ZNF562: variants seen among roughly 807,000 people sequenced by gnomAD.
ZNF562 encodes zinc finger protein 562.
ZNF562 carries 13 observed loss-of-function variants against 17.5 expected under a neutral mutation model. That is an observed-to-expected ratio of 0.74 (90% CI 0.48 to 1.18). ZNF562 has a LOEUF of 1.18. Among genes scored for constraint, ZNF562 ranks in the 50% most tolerant of loss-of-function variants. The pLI is 0.00. For synonymous variants in ZNF562, 163 were observed against 165.4 expected, an observed-to-expected ratio of 0.99 and a Z score of 0.11; for missense variants, 481 against 498.5, an observed-to-expected ratio of 0.96 and a Z score of 0.33.
At chr19:9,669,734 G>GCGCGCGCACACA (rs1221319747) in intron 1 of ZNF562, among the ~76,000 whole-genome samples, 1 of 109,302 alleles carries the variant, frequency 9.1e-6, no homozygotes, top group Non-Finnish European at 1.9e-5. Flanking sequence ...GCGCGCGCGC[G>GCGCGCGCACACA]CACACACACA....
chr19:9,663,010 G>T (rs2043814320), intron 1 of ZNF562, among the ~76,000 whole-genome samples: 2 of 151,644 alleles, frequency 1.3e-5, no homozygotes, highest in African/African-American at 4.8e-5. Flanking sequence ...GCCAGCTATT[G>T]TTCTAAATGT....
chr19:9,669,828 A>G (rs2145045526), intron 1 of ZNF562, among the ~76,000 whole-genome samples: 1 of 151,012 alleles, frequency 6.6e-6, no homozygotes, highest in African/African-American at 2.4e-5. Context: ...TTAGGAGGCC[A>G]AGGCAGGCAG....
chr19:9,669,721 C>CGCGCGA (rs2044086899), intron 1 of ZNF562, among the ~76,000 whole-genome samples: 1 of 86,050 alleles, frequency 1.2e-5, no homozygotes, highest in East Asian at 3.6e-4. Context: ...CGCGCGAGCG[C>CGCGCGA]GCGCGCGCGC....
intron 3 of ZNF562, among the ~76,000 whole-genome samples, chr19:9,658,591 C>T (rs1277350396): frequency 1.3e-5 from 2 of 151,946 alleles, no homozygotes; most frequent in Admixed American, 6.6e-5. Flanking sequence ...CTCATGTGAT[C>T]GGCCCACCTC....
At position 9,646,108 on chromosome 19, in the gene ZNF562, G is replaced by A. The variant is rs1335598542; in HGVS notation, c.*6841C>T. The A allele has an allele frequency of 8.3e-6, 1 of 120,842 alleles. No homozygotes were observed. Among genetic ancestry groups the A allele is most frequent in the South Asian group, 2.5e-4 (1 of 3,954 alleles). The allele number at this position is 120,842 out of a possible 1,614,324, so 7.5% of individuals were successfully genotyped here. On this transcript the variant is annotated 3_prime_UTR_variant, in exon 6 of 6. Coordinates refer to ENST00000453372, the MANE Select transcript of ZNF562 (RefSeq NM_001130031.2). Reference sequence around the variant, plus strand: ...TTTTTTGTGACAGAGTTTCACTCTTGTTGCCCAGGCTGCAGTGCAATGGCG... The same window carrying A: ...TTTTTTGTGACAGAGTTTCACTCTTATTGCCCAGGCTGCAGTGCAATGGCG...
intron 1 of ZNF562, among the ~76,000 whole-genome samples, chr19:9,673,536 G>T (rs562969534): frequency 6.6e-6 from 1 of 152,168 alleles, no homozygotes; most frequent in South Asian, 2.1e-4. Flanking sequence ...GACCTCAGGT[G>T]ATCCGCCTGC....
chr19:9,650,611 C>CA lies in ZNF562; in HGVS notation c.*2337dup, dbSNP rs2074854174. 6.6e-6 allele frequency: 1 copy of CA among 152,182 alleles called. No homozygotes were observed. Among genetic ancestry groups the CA allele is most frequent in the African/African-American group, 2.4e-5 (1 of 41,384 alleles). 9.4% of individuals were successfully genotyped at this position (152,182 alleles called of 1,614,324 possible). A position where few individuals can be genotyped will look rare whatever the true frequency, so the allele number is the denominator to read the frequency against. ...TCTCACTAGAGGTTGACCATGCTGG[C>CA]ACTCTGATCTCAGACTTCCAGCCTC... On this transcript the variant is annotated 3_prime_UTR_variant, in exon 6 of 6. Transcript: ENST00000453372.
At chr19:9,664,562 A>C (rs1343806756) in intron 1 of ZNF562, among the ~76,000 whole-genome samples, 1 of 152,194 alleles carries the variant, frequency 6.6e-6, no homozygotes, top group Non-Finnish European at 1.5e-5. Flanking sequence ...TTCCAACATT[A>C]TCTTGTACAT....
chr19:9,655,606 G>A (rs2043438809), intron 5 of ZNF562, among the ~76,000 whole-genome samples: 2 of 150,342 alleles, frequency 1.3e-5, no homozygotes, highest in South Asian at 4.3e-4. Context: ...TTTTAGTAGA[G>A]ACAGAGTTTC....
intron 1 of ZNF562, among the ~76,000 whole-genome samples, chr19:9,670,921 C>A (rs548567525): frequency 6.6e-6 from 1 of 150,480 alleles, no homozygotes; most frequent in Admixed American, 6.7e-5. Context: ...CACTTGAATC[C>A]GGGAGGAGGC....
chr19:9,669,015 A>G (rs2044050466), intron 1 of ZNF562, among the ~76,000 whole-genome samples: 1 of 152,206 alleles, frequency 6.6e-6, no homozygotes, highest in South Asian at 2.1e-4. Flanking sequence ...AAACTAGTAG[A>G]GGAAGACCCT....
At chr19:9,664,979 T>C (rs985377172) in intron 1 of ZNF562, among the ~76,000 whole-genome samples, 3 of 152,204 alleles carry the variant, frequency 2.0e-5, no homozygotes, top group Non-Finnish European at 4.4e-5. Context: ...GCCAGCACTT[T>C]GGGAGGCCAA....
At chr19:9,665,426 C>T (rs189870350) in intron 1 of ZNF562, among the ~76,000 whole-genome samples, 88 of 152,218 alleles carry the variant, frequency 5.8e-4, no homozygotes, top group Admixed American at 5.2e-3. Context: ...ATCCTGGGTT[C>T]CCTGGTAAAA....
At chr19:9,661,027 T>G (rs952327957) in intron 1 of ZNF562, among the ~76,000 whole-genome samples, 153 bp from the exon 2 acceptor site, 3 of 152,228 alleles carry the variant, frequency 2.0e-5, no homozygotes, top group African/African-American at 4.8e-5. Flanking sequence ...TAACAGCAAC[T>G]GACATTTATT....
intron 4 of ZNF562, among the ~76,000 whole-genome samples, chr19:9,657,101 G>T: frequency 1.3e-5 from 2 of 150,244 alleles, no homozygotes. Flanking sequence ...TCAAAAATTT[G>T]GCTATAAGGA....
chr19:9,664,012 C>A (rs1022169350), intron 1 of ZNF562, among the ~76,000 whole-genome samples: 3 of 152,114 alleles, frequency 2.0e-5, no homozygotes, highest in African/African-American at 4.8e-5. Flanking sequence ...GCCTTGGCCT[C>A]CCAAAGTGCT....
chr19:9,655,337 A>C (rs985698846), intron 5 of ZNF562, among the ~76,000 whole-genome samples: 2 of 152,052 alleles, frequency 1.3e-5, no homozygotes, highest in Non-Finnish European at 2.9e-5. Flanking sequence ...GTCTAGTTAC[A>C]TATGTGGGAA....
chr19:9,672,777 CTTTT>C (rs869261585), intron 1 of ZNF562, among the ~76,000 whole-genome samples: 2 of 112,232 alleles, frequency 1.8e-5, no homozygotes, highest in South Asian at 2.9e-4. Flanking sequence ...TATTGCCTTT[CTTTT>C]TTTTTTTTTT....
rs2043584729 is a variant in ZNF562 at position 9,658,081 on chromosome 19, A to C, written c.169T>G (p.Leu57Val). 6.2e-7 allele frequency: 1 copy of C among 1,613,972 alleles called. No homozygotes were observed. Among genetic ancestry groups the C allele is most frequent in the Non-Finnish European group, 8.5e-7 (1 of 1,179,942 alleles). ...AVEFTPEEWALLDTTQKYLYR... is the reference protein window; with the variant it reads ...AVEFTPEEWAVLDTTQKYLYR... ...AGGTATTTCTGAGTTGTGTCCAGTA[A>C]AGCCCACTCCTCTGGGGTGAACTCC... is the stretch of plus-strand genomic sequence containing the variant. Residue 57 changes from leucine to valine, a missense_variant, in exon 4 of 6, where the codon TTA becomes GTA. Leu to Val is a conservative substitution (Grantham distance 32). Around this residue, in one of 2 missense-constraint regions of ZNF562, gnomAD observed 403 missense variants for 386.4 expected, o/e 1.04. Coordinates refer to ENST00000453372, the MANE Select transcript of ZNF562 (RefSeq NM_001130031.2).
Sources: allele counts gnomAD v4.1 joint callset (sites outside exome capture counted in the v4.1 genomes callset), GRCh38; gene constraint gnomAD v4.1.1; regional missense constraint gnomAD v4.1.1; transcripts MANE v1.5; gene names NCBI Gene and HGNC (gene_info 2026-07-23, HGNC 2026-07-21).